Variants in PCDHGA6 observed in about 807,000 individuals in gnomAD.
PCDHGA6 encodes the protein protocadherin gamma subfamily A, 6.
PCDHGA6 carries 41 observed loss-of-function variants against 60.6 expected under a neutral mutation model. That is an observed-to-expected ratio of 0.68 (90% CI 0.53 to 0.88). The LOEUF is 0.88. Ranked by LOEUF, PCDHGA6 falls within the 40% of genes least tolerant of loss-of-function variation. PCDHGA6 has a pLI of 0.00. For missense variants in PCDHGA6, 1,312 were observed against 1,203.0 expected (o/e 1.09, Z -1.34); for synonymous variants, 594 against 524.4 (o/e 1.13, Z -1.81).
In PCDHGA6 at chr5:141,486,565, T is replaced by C; in HGVS notation, c.2425-8242T>C. ...TTCAGAGGTCACATGAGGTGTTTGT[T>C]CCTGAGAACAATCGCCCAGGGGACC... On this transcript the variant is annotated intron_variant, in intron 1 of 3. Coordinates refer to ENST00000517434, the MANE Select transcript of PCDHGA6 (RefSeq NM_018919.3). The surrounding 1 kb of genome is among the most constrained non-coding windows in gnomAD (Gnocchi z 5.0). 6.2e-7 allele frequency: 1 copy of C among 1,614,024 alleles called. No homozygotes were observed. Among genetic ancestry groups the C allele is most frequent in the Non-Finnish European group, 8.5e-7 (1 of 1,180,032 alleles).
At chr5:141,388,674 G>A in intron 1 of PCDHGA6, 2 of 1,613,940 alleles carry the variant, frequency 1.2e-6, no homozygotes, top group Non-Finnish European at 8.5e-7. Context: ...GGTGCTACAG[G>A]TGACTGCCAC....
intron 1 of PCDHGA6, chr5:141,441,940 G>T (rs2098285664): frequency 5.9e-6 from 2 of 341,298 alleles, no homozygotes; most frequent in Non-Finnish European, 1.1e-5. Flanking sequence ...GTCCTACCAC[G>T]TGCTGCAGGC....
chr5:141,419,522 C>A, intron 1 of PCDHGA6: 4 of 1,612,178 alleles, frequency 2.5e-6, no homozygotes, highest in Non-Finnish European at 3.4e-6. Context: ...GGTGGGCGAC[C>A]GTAACGACAA....
At chr5:141,387,156 A>C (rs1173690148) in intron 1 of PCDHGA6, among the ~76,000 whole-genome samples, 1 of 152,232 alleles carries the variant, frequency 6.6e-6, no homozygotes, top group Non-Finnish European at 1.5e-5. Flanking sequence ...GTGTATTTGA[A>C]GATAAGTATA....
intron 1 of PCDHGA6, chr5:141,383,515 C>T (rs749503295): frequency 1.2e-6 from 2 of 1,612,350 alleles, no homozygotes; most frequent in South Asian, 2.2e-5. Flanking sequence ...GGAGGAAGAG[C>T]GGGTTCACCA....
chr5:141,393,453 G>A lies in PCDHGA6; in HGVS notation c.2424+16946G>A, dbSNP rs373805221. On this transcript the variant is annotated intron_variant, in intron 1 of 3. Coordinates refer to ENST00000517434, the MANE Select transcript of PCDHGA6 (RefSeq NM_018919.3). ...GGCTGCTCACCACCTGGTCCTCACGGCCTCGGATGGCGGCAAGCCGCCTCG... is the reference window on the plus strand; with the variant it reads ...GGCTGCTCACCACCTGGTCCTCACGACCTCGGATGGCGGCAAGCCGCCTCG... 113 of 1,613,920 alleles carry A rather than the reference G, an allele frequency of 7.0e-5. 1 individual carries two copies. The highest frequency in any genetic ancestry group is 8.9e-5 in the Non-Finnish European group (105 of 1,179,908).
chr5:141,404,475 A>G, intron 1 of PCDHGA6: 1 of 1,613,732 alleles, frequency 6.2e-7, no homozygotes, highest in Non-Finnish European at 8.5e-7. Flanking sequence ...GTCTCTATTA[A>G]CTCAGACACT....
At position 141,486,367 on chromosome 5, in the gene PCDHGA6, G is replaced by A; in HGVS notation, c.2425-8440G>A. On this transcript the variant is annotated intron_variant, in intron 1 of 3. Coordinates refer to ENST00000517434, the MANE Select transcript of PCDHGA6 (RefSeq NM_018919.3). This position sits in a 1 kb window ranked among gnomAD's most constrained non-coding sequence, Gnocchi z 5.0. Reference sequence around the variant, plus strand: ...CTGACCACTTGCCATTTGCCCTCAAGTCTGCCTTCAGGAACCAGTTCTCCC... The same window carrying A: ...CTGACCACTTGCCATTTGCCCTCAAATCTGCCTTCAGGAACCAGTTCTCCC... 1 of 1,614,148 alleles carries A rather than the reference G, an allele frequency of 6.2e-7. No individual in the cohort carries two copies. Among genetic ancestry groups the A allele is most frequent in the Non-Finnish European group, 8.5e-7 (1 of 1,180,022 alleles).
chr5:141,379,813 T>C (rs1775841720), intron 1 of PCDHGA6, among the ~76,000 whole-genome samples: 1 of 150,950 alleles, frequency 6.6e-6, no homozygotes, highest in South Asian at 2.1e-4. Flanking sequence ...GAGAGTTCAG[T>C]ATAGAATTTT....
At chr5:141,394,657 G>A (rs1179529074) in intron 1 of PCDHGA6, 2 of 1,613,220 alleles carry the variant, frequency 1.2e-6, no homozygotes, top group East Asian at 2.2e-5. Flanking sequence ...AGCGAGCCGG[G>A]ACTCTTCTCG....
rs200868391 is a variant in PCDHGA6 at position 141,415,586 on chromosome 5, C to T, written c.2424+39079C>T. 540 of 1,613,746 alleles carry T rather than the reference C, an allele frequency of 3.3e-4. No individual in the cohort carries two copies. Among genetic ancestry groups the T allele is most frequent in the Non-Finnish European group, 4.5e-4 (527 of 1,179,996 alleles). ...TCTTTGTTAGATGATTCGAAGTTTCCTATAGAGGATACCCCATTGGTTCCA... is the reference window on the plus strand; with the variant it reads ...TCTTTGTTAGATGATTCGAAGTTTCTTATAGAGGATACCCCATTGGTTCCA... On this transcript the variant is annotated intron_variant, in intron 1 of 3. Coordinates refer to ENST00000517434, the MANE Select transcript of PCDHGA6 (RefSeq NM_018919.3).
In PCDHGA6 at chr5:141,486,718, A is replaced by G; in HGVS notation, c.2425-8089A>G. 6.2e-7 allele frequency: 1 copy of G among 1,614,106 alleles called. No individual in the cohort carries two copies. The highest frequency in any genetic ancestry group is 1.7e-5 in the Admixed American group (1 of 60,022). On this transcript the variant is annotated intron_variant, in intron 1 of 3. Coordinates refer to ENST00000517434, the MANE Select transcript of PCDHGA6 (RefSeq NM_018919.3). This position sits in a 1 kb window ranked among gnomAD's most constrained non-coding sequence, Gnocchi z 5.0. Reference sequence around the variant, plus strand: ...TCATCTCTCTGAACCCCCAGACAGGAGCTGTTCATGCTACTCGATCCTTTG... The same window carrying G: ...TCATCTCTCTGAACCCCCAGACAGGGGCTGTTCATGCTACTCGATCCTTTG...
At chr5:141,421,455 C>T (rs762490406) in intron 1 of PCDHGA6, 7 of 1,614,108 alleles carry the variant, frequency 4.3e-6, no homozygotes, top group Non-Finnish European at 4.2e-6. Flanking sequence ...CACAGCTTTT[C>T]GCTGTGAATC....
In PCDHGA6 at chr5:141,390,005, G is replaced by A. The variant is rs886109174; in HGVS notation, c.2424+13498G>A. 2.5e-6 allele frequency: 4 copies of A among 1,613,860 alleles called. No individual in the cohort carries two copies. In the African/African-American group the frequency reaches 5.3e-5, roughly 22 times the overall value. ...TGCTCTTCCTCGTGGCCATGATTCT[G>A]GCCATTGCCTTGCGCCTGCGACGCT... On this transcript the variant is annotated intron_variant, in intron 1 of 3. Coordinates refer to ENST00000517434, the MANE Select transcript of PCDHGA6 (RefSeq NM_018919.3).
At chr5:141,396,447 C>T (rs1200125693) in intron 1 of PCDHGA6, 2 of 152,068 alleles carry the variant, frequency 1.3e-5, no homozygotes, top group South Asian at 2.1e-4. Flanking sequence ...GGTGAAACCC[C>T]GTCTCTACTA....
chr5:141,506,380 TG>T (rs2099852860), intron 3 of PCDHGA6, among the ~76,000 whole-genome samples: 1 of 141,314 alleles, frequency 7.1e-6, no homozygotes, highest in Non-Finnish European at 1.5e-5. Flanking sequence ...ACCTGGGAGG[TG>T]GCTGTGGTGA....
At chr5:141,384,582 G>A (rs542176226) in intron 1 of PCDHGA6, 5 of 1,614,230 alleles carry the variant, frequency 3.1e-6, no homozygotes, top group Non-Finnish European at 4.2e-6. Context: ...ACCCGCCCGA[G>A]ATCCTGTACC....
At chr5:141,385,374 T>A in intron 1 of PCDHGA6, 1 of 1,523,876 alleles carries the variant, frequency 6.6e-7, no homozygotes, top group Non-Finnish European at 8.8e-7. Context: ...TGCATGATAT[T>A]TCTCTATTAT....
chr5:141,492,005 C>T (rs1444993907), intron 1 of PCDHGA6: 2 of 642,268 alleles, frequency 3.1e-6, no homozygotes, highest in Admixed American at 7.4e-5. Flanking sequence ...GGGCGATTTC[C>T]GCGGGTGTCG....
Sources: gnomAD v4.1 joint callset for allele counts (sites outside exome capture counted in the v4.1 genomes callset) on GRCh38, gnomAD v4.1.1 for gene constraint, Gnocchi (gnomAD v3.1) non-coding constraint, MANE v1.5 for transcripts, NCBI Gene and HGNC (gene_info 2026-07-23, HGNC 2026-07-21) for gene names.